BRINP1: variants seen among roughly 807,000 people sequenced by gnomAD.
BRINP1 encodes the protein BMP/retinoic acid inducible neural specific 1.
Under a neutral mutation model 72.9 loss-of-function variants are expected in BRINP1, and 17 were observed. That is an observed-to-expected ratio of 0.23 (90% CI 0.16 to 0.35). The LOEUF (loss-of-function observed/expected upper bound fraction) is 0.35. BRINP1 is among the 10% of genes least tolerant of loss of function. The probability of loss-of-function intolerance (pLI) is 1.00; values close to 1 mark genes in which losing one functional copy is unlikely to be tolerated. For missense variants in BRINP1, 850 were observed against 1,001.6 expected (o/e 0.85, Z 2.04); for synonymous variants, 418 against 378.5 (o/e 1.10, Z -1.21).
intron 7 of BRINP1, among the ~76,000 whole-genome samples, chr9:119,201,824 G>A (rs551587520): frequency 3.9e-5 from 6 of 152,242 alleles, no homozygotes; most frequent in African/African-American, 1.4e-4. Flanking sequence ...TTATGTAATT[G>A]CACAGGAACC....
intron 5 of BRINP1, among the ~76,000 whole-genome samples, chr9:119,224,495 G>T (rs1287903217): frequency 1.3e-5 from 2 of 152,024 alleles, no homozygotes; most frequent in Non-Finnish European, 2.9e-5. Flanking sequence ...AATAAATGTG[G>T]TTTATGTTAT....
At chr9:119,209,264 T>G (rs1829893643) in intron 6 of BRINP1, among the ~76,000 whole-genome samples, 1 of 152,192 alleles carries the variant, frequency 6.6e-6, no homozygotes, top group Non-Finnish European at 1.5e-5. Context: ...ATCAAATCAT[T>G]GTTTTTCACT....
intron 7 of BRINP1, among the ~76,000 whole-genome samples, chr9:119,198,672 ATTTT>A (rs35233721): frequency 2.3e-3 from 331 of 146,520 alleles, no homozygotes; most frequent in Non-Finnish European, 3.3e-3. Context: ...GAAAATATTA[ATTTT>A]TTTTTTTTTT....
At chr9:119,321,698 T>TC (rs897539720) in intron 1 of BRINP1, among the ~76,000 whole-genome samples, 5 of 151,022 alleles carry the variant, frequency 3.3e-5, no homozygotes, top group African/African-American at 1.2e-4. Flanking sequence ...CAAGCCATCC[T>TC]CCCCCCTTGG....
At chr9:119,176,393 A>ACAATC (rs1337703711) in intron 7 of BRINP1, among the ~76,000 whole-genome samples, 3 of 152,164 alleles carry the variant, frequency 2.0e-5, no homozygotes, top group African/African-American at 7.2e-5. Context: ...GGAAGTGTTA[A>ACAATC]CAATCCATCT....
chr9:119,203,798 TTAA>T (rs1829826724), intron 7 of BRINP1, among the ~76,000 whole-genome samples: 1 of 152,140 alleles, frequency 6.6e-6, no homozygotes, highest in Non-Finnish European at 1.5e-5. Flanking sequence ...GTTATTATTA[TTAA>T]TCTTATGTTC....
intron 2 of BRINP1, among the ~76,000 whole-genome samples, chr9:119,283,785 G>A (rs1395599367): frequency 1.3e-5 from 2 of 152,062 alleles, no homozygotes; most frequent in East Asian, 1.9e-4. Context: ...CACCCACCTC[G>A]GCCTCCTAAA....
At chr9:119,248,584 T>C (rs1346324146) in intron 3 of BRINP1, among the ~76,000 whole-genome samples, 1 of 152,246 alleles carries the variant, frequency 6.6e-6, no homozygotes, top group Non-Finnish European at 1.5e-5. Flanking sequence ...TATCAGTCTC[T>C]AAAGTAGACT....
chr9:119,368,188 C>T lies in BRINP1; in HGVS notation c.-51+868G>A, dbSNP rs1831715936. ...CCGGAGGGGCTCTGTTGATTGCAAA[C>T]GGGGATGCAGGGTAAATCCCTATCC... On this transcript the variant is annotated intron_variant, in intron 1 of 7. Coordinates refer to ENST00000265922, the MANE Select transcript of BRINP1 (RefSeq NM_014618.3). The surrounding 1 kb of genome is among the most constrained non-coding windows in gnomAD (Gnocchi z 4.7). Among the ~76,000 whole-genome samples the T allele has an allele frequency of 6.6e-6, 1 of 152,208 alleles. No homozygotes were observed. Among genetic ancestry groups the T allele is most frequent in the South Asian group, 2.1e-4 (1 of 4,830 alleles).
intron 5 of BRINP1, among the ~76,000 whole-genome samples, chr9:119,226,850 C>T (rs1343020131): frequency 6.6e-6 from 1 of 151,882 alleles, no homozygotes; most frequent in East Asian, 1.9e-4. Flanking sequence ...AATTCCTGAT[C>T]TAGTAAAAAC....
At chr9:119,306,123 C>G (rs572783310) in intron 2 of BRINP1, among the ~76,000 whole-genome samples, 1 of 152,292 alleles carries the variant, frequency 6.6e-6, no homozygotes, top group East Asian at 1.9e-4. Context: ...TTTTCAGACA[C>G]TGCTCGTGAC....
At chr9:119,242,286 G>C in intron 3 of BRINP1, 70 bp from the exon 4 acceptor site, 1 of 1,309,818 alleles carries the variant, frequency 7.6e-7, no homozygotes, top group Non-Finnish European at 1.1e-6. Context: ...GATGGGACCT[G>C]GATGCTGAAA....
At chr9:119,227,460 G>A (rs575660252) in intron 5 of BRINP1, among the ~76,000 whole-genome samples, 1 of 152,134 alleles carries the variant, frequency 6.6e-6, no homozygotes, top group Admixed American at 6.5e-5. Context: ...TAAAGTAAAA[G>A]CAACAGTTGG....
chr9:119,243,136 G>A (rs976439175), intron 3 of BRINP1, among the ~76,000 whole-genome samples: 2 of 152,038 alleles, frequency 1.3e-5, no homozygotes, highest in Non-Finnish European at 1.5e-5. Flanking sequence ...ATGCCATGGT[G>A]GTTTGCTGCA....
intron 2 of BRINP1, among the ~76,000 whole-genome samples, chr9:119,297,465 T>C (rs79811550): frequency 1.3e-5 from 2 of 152,322 alleles, no homozygotes; most frequent in East Asian, 3.9e-4. Flanking sequence ...CCTGGCCATA[T>C]TACTTTTCTG....
rs780759560 is a variant in BRINP1 at position 119,242,061 on chromosome 9, T to C, written c.565A>G (p.Thr189Ala). Reference sequence around the variant, plus strand: ...CGGAGCTGTACCTTGATTGCTCCAGTTGATATCTGGATCTCATGAAGCCTC... The same window carrying C: ...CGGAGCTGTACCTTGATTGCTCCAGCTGATATCTGGATCTCATGAAGCCTC... ...MRRLHEIQIS[T>A]GAIKVTETRT... Residue 189 changes from threonine (T) to alanine (A), a missense_variant, in exon 4 of 8, where the codon ACT (threonine) becomes GCT (alanine). Transcript: ENST00000265922. 13 of 1,613,906 alleles carry C rather than the reference T, an allele frequency of 8.1e-6. No homozygotes were observed. The highest frequency in any genetic ancestry group is 1.0e-5 in the Non-Finnish European group (12 of 1,179,994).
chr9:119,263,678 G>C (rs548362492), intron 2 of BRINP1, among the ~76,000 whole-genome samples: 1 of 121,188 alleles, frequency 8.3e-6, no homozygotes, highest in East Asian at 2.6e-4. Context: ...TGCGATCTCT[G>C]CTCACTGCAA....
intron 2 of BRINP1, among the ~76,000 whole-genome samples, chr9:119,312,705 G>A (rs1423015675): frequency 1.3e-5 from 2 of 152,108 alleles, no homozygotes; most frequent in East Asian, 3.9e-4. Context: ...ACTTGATGTG[G>A]CTGACTAAAA....
At chr9:119,278,070 T>C (rs1248634096) in intron 2 of BRINP1, among the ~76,000 whole-genome samples, 1 of 152,230 alleles carries the variant, frequency 6.6e-6, no homozygotes, top group African/African-American at 2.4e-5. Flanking sequence ...CTCTACCCTA[T>C]GTCTTTTCCC....
Sources: gnomAD v4.1 joint callset for allele counts (sites outside exome capture counted in the v4.1 genomes callset) on GRCh38, gnomAD v4.1.1 for gene constraint, Gnocchi (gnomAD v3.1) non-coding constraint, MANE v1.5 for transcripts, NCBI Gene and HGNC (gene_info 2026-07-23, HGNC 2026-07-21) for gene names.